The following MIA3 variants were observed in gnomAD, a reference collection of about 807,000 sequenced individuals.
The protein encoded by MIA3 is MIA SH3 domain ER export factor 3.
Under a neutral mutation model 192.4 loss-of-function variants are expected in MIA3, and 90 were observed. That is an observed-to-expected ratio of 0.47 (90% CI 0.39 to 0.56). The LOEUF (loss-of-function observed/expected upper bound fraction) is 0.56. MIA3 is among the 20% of genes least tolerant of loss of function. MIA3 has a pLI of 0.00. For missense variants in MIA3, 2,123 were observed against 2,269.4 expected (o/e 0.94, Z 1.31); for synonymous variants, 740 against 792.8 (o/e 0.93, Z 1.12).
At position 222,627,610 on chromosome 1, in the gene MIA3, T is replaced by A; in HGVS notation, c.390T>A (p.Asp130Glu). The A allele has an allele frequency of 6.3e-7, 1 of 1,580,198 alleles. No individual in the cohort carries two copies. The highest frequency in any genetic ancestry group is 1.2e-5 in the South Asian group (1 of 84,672). Residue 130 changes from aspartate (D) to glutamate (E), a missense_variant, in exon 4 of 28, where the codon GAT becomes GAA. Physicochemically the swap from Asp to Glu is conservative, Grantham distance 45. Around this residue, in one of 3 missense-constraint regions of MIA3, gnomAD observed 1,357 missense variants for 1,396.1 expected, o/e 0.97. Coordinates refer to ENST00000344922, the MANE Select transcript of MIA3 (RefSeq NM_198551.4). ...TTGTTTGTTTTGATGGAGGAAGAGA[T>A]GATTTTCATAATTATAATGTAGAAG... Reference protein sequence around the residue: ...TDFVCFDGGRDDFHNYNVEEL... With the variant: ...TDFVCFDGGREDFHNYNVEEL...
chr1:222,628,208 T>C lies in MIA3; in HGVS notation c.988T>C (p.Leu330=), dbSNP rs1337470972. 6.2e-7 allele frequency: 1 copy of C among 1,613,992 alleles called. No homozygotes were observed. Among genetic ancestry groups the C allele is most frequent in the East Asian group, 2.2e-5 (1 of 44,894 alleles). The stretch of plus-strand genomic sequence containing the variant: ...CCAAGAAGACTTTGATGAGTTGCCA[T>C]TACTTACCTTTACAGATGGGGAAGA... ...ENQEDFDELP[L]LTFTDGEDMK... The change falls in exon 4 of 28, where the codon TTA becomes CTA. Residue 330 remains leucine (L), a synonymous_variant. Transcript: ENST00000344922.
At chr1:222,646,579 C>T (rs1036941935) in intron 7 of MIA3, among the ~76,000 whole-genome samples, 1 of 151,884 alleles carries the variant, frequency 6.6e-6, no homozygotes, top group African/African-American at 2.4e-5. Flanking sequence ...AGACAAAACC[C>T]CATCTCTACT....
chr1:222,646,251 T>C (rs1444994494), intron 7 of MIA3: 1 of 149,704 alleles, frequency 6.7e-6, no homozygotes, highest in Non-Finnish European at 1.5e-5. Context: ...CCCCATCTCT[T>C]CTAAAAATAC....
intron 7 of MIA3, 197 bp downstream of exon 7, chr1:222,645,882 G>A (rs1282037556): frequency 9.0e-6 from 4 of 443,400 alleles, no homozygotes; most frequent in Non-Finnish European, 1.5e-5. Context: ...AATCTCAGTG[G>A]GAAAACTTCA....
chr1:222,634,026 G>C (rs1252012812), intron 6 of MIA3, among the ~76,000 whole-genome samples: 1 of 151,988 alleles, frequency 6.6e-6, no homozygotes, highest in Non-Finnish European at 1.5e-5. Context: ...ATTTTTTGTA[G>C]AGGTGGGGTT....
In MIA3 at chr1:222,621,162, T is replaced by C; in HGVS notation, c.137T>C (p.Leu46Ser). 6.2e-7 allele frequency: 1 copy of C among 1,609,876 alleles called. No homozygotes were observed. The highest frequency in any genetic ancestry group is 1.1e-5 in the South Asian group (1 of 90,298). Residue 46 changes from leucine to serine, a missense_variant, in exon 2 of 28, where the codon TTA becomes TCA. Leu to Ser is a moderately radical substitution (Grantham distance 145). Around this residue, in one of 3 missense-constraint regions of MIA3, gnomAD observed 1,357 missense variants for 1,396.1 expected, o/e 0.97. Transcript: ENST00000344922. ...KLCADDECSM[L>S]MYRGEALEDF... is the part of the protein sequence containing the mutation. ...TTTTCTCTCTCTTTATATACAGTGT[T>C]AATGTACCGCGGTGAGGCTCTTGAA...
Position 222,629,640 on chromosome 1 carries a change from A to C in MIA3, c.2420A>C (p.Asn807Thr). The C allele has an allele frequency of 6.2e-7, 1 of 1,614,196 alleles. No individual in the cohort carries two copies. ...KGVNTGGREP[N>T]TMVEKERPLA... ...GTCAACACAGGAGGCAGGGAACCAA[A>C]TACAATGGTGGAAAAAGAACGCCCT... The change falls in exon 4 of 28, where the codon AAT becomes ACT. Residue 807 changes from asparagine to threonine, a missense_variant. Coordinates refer to ENST00000344922, the MANE Select transcript of MIA3 (RefSeq NM_198551.4).
intron 18 of MIA3, among the ~76,000 whole-genome samples, chr1:222,655,396 C>T (rs900909403): frequency 6.6e-6 from 1 of 152,130 alleles, no homozygotes; most frequent in Admixed American, 6.5e-5. Flanking sequence ...TTTTATAGTT[C>T]AAGTTTTTTG....
chr1:222,618,168 G>T lies in MIA3; in HGVS notation c.58G>T (p.Val20Leu). 6.6e-7 allele frequency: 1 copy of T among 1,505,846 alleles called. No homozygotes were observed. The highest frequency in any genetic ancestry group is 8.9e-7 in the Non-Finnish European group (1 of 1,127,174). The allele number at this position is 1,505,846 out of a possible 1,614,324, so 93.3% of individuals were successfully genotyped here. A position where few individuals can be genotyped will look rare whatever the true frequency, so the allele number is the denominator to read the frequency against. Residue 20 changes from valine (V) to leucine (L), a missense_variant, in exon 1 of 28, where the codon GTG becomes TTG. By Grantham distance (32) the Val-to-Leu change is conservative. Transcript: ENST00000344922. ...WLLVLRLPWRVPGQLDPSTGR... is the reference protein window; with the variant it reads ...WLLVLRLPWRLPGQLDPSTGR... ...GCTCGTGCTCCGGCTGCCCTGGCGGGTGCCGGGCCAGCTGGACCCCAGCAC... is the reference window on the plus strand; with the variant it reads ...GCTCGTGCTCCGGCTGCCCTGGCGGTTGCCGGGCCAGCTGGACCCCAGCAC...
intron 13 of MIA3, among the ~76,000 whole-genome samples, 200 bp from the exon 14 acceptor site, chr1:222,652,808 A>G (rs573544252): frequency 6.6e-6 from 1 of 152,268 alleles, no homozygotes; most frequent in Admixed American, 6.5e-5. Flanking sequence ...AACAAGATCA[A>G]TTTCCTTGAT....
chr1:222,635,079 A>T (rs770722456), intron 6 of MIA3, among the ~76,000 whole-genome samples: 3 of 152,252 alleles, frequency 2.0e-5, no homozygotes, highest in Admixed American at 6.5e-5. Context: ...GACCACCAGG[A>T]TGGAAAACAA....
intron 6 of MIA3, among the ~76,000 whole-genome samples, chr1:222,633,803 G>A (rs1188803205): frequency 6.6e-6 from 1 of 152,002 alleles, no homozygotes; most frequent in Non-Finnish European, 1.5e-5. Context: ...TGAAGAAAAG[G>A]TTATTTGGGG....
rs961882059 is a variant in MIA3, at chr1:222,666,876, G to A, written c.*1257G>A. 4 of 152,016 alleles carry A rather than the reference G, an allele frequency of 2.6e-5. No homozygotes were observed. Among genetic ancestry groups the A allele is most frequent in the Non-Finnish European group, 4.4e-5 (3 of 68,006 alleles). The allele number at this position is 152,016 out of a possible 1,614,324, so 9.4% of individuals were successfully genotyped here. A position where few individuals can be genotyped will look rare whatever the true frequency, so the allele number is the denominator to read the frequency against. On this transcript the variant is annotated 3_prime_UTR_variant, in exon 28 of 28. Coordinates refer to ENST00000344922, the MANE Select transcript of MIA3 (RefSeq NM_198551.4). ...AATACTCTACAACGTTTCTAAGAAC[G>A]AACTTCAGACATTTTAATTACAGTA...
At chr1:222,654,859 G>T in intron 18 of MIA3, 66 bp downstream of exon 18, 1 of 1,304,128 alleles carries the variant, frequency 7.7e-7, no homozygotes, top group East Asian at 2.3e-5. Context: ...TACTAATATA[G>T]ATAATGTTAT....
Position 222,630,145 on chromosome 1 carries a change from A to T in MIA3, c.2925A>T (p.Leu975=), listed in dbSNP as rs1490317473. ...TGCCCTATAATATGGAAAAAGTCCT[A>T]GATAAGGTCTTCCGTGCTTCTGAGT... is the stretch of plus-strand genomic sequence containing the variant. ...ESLPYNMEKV[L]DKVFRASESQ... Residue 975 remains leucine, a synonymous_variant, in exon 4 of 28, where the codon CTA becomes CTT. Transcript: ENST00000344922. 6.2e-7 allele frequency: 1 copy of T among 1,614,244 alleles called. No homozygotes were observed. The highest frequency in any genetic ancestry group is 8.5e-7 in the Non-Finnish European group (1 of 1,180,040).
chr1:222,652,861 G>C (rs1663515657), intron 13 of MIA3, 147 bp from the exon 14 acceptor site: 1 of 753,404 alleles, frequency 1.3e-6, no homozygotes, highest in Non-Finnish European at 2.1e-6. Context: ...TGGGGCCACT[G>C]TCTCCTCCCA....
rs1662035684 is a variant in MIA3 at position 222,624,818 on chromosome 1, T to C, written c.318T>C (p.His106=). The C allele has an allele frequency of 6.2e-7, 1 of 1,602,780 alleles. No individual in the cohort carries two copies. The highest frequency in any genetic ancestry group is 8.5e-7 in the Non-Finnish European group (1 of 1,170,634). The change falls in exon 3 of 28, where the codon CAT becomes CAC. Residue 106 remains histidine (H), a synonymous_variant. Coordinates refer to ENST00000344922, the MANE Select transcript of MIA3 (RefSeq NM_198551.4). ...CAAAAGATTTAATCCAGGTAGTTCA[T>C]GAATATACCAAAGAAGAGCTACAAG... is the stretch of plus-strand genomic sequence containing the variant. ...YFPKDLIQVV[H]EYTKEELQVP...
rs770852375 is a variant in MIA3, at chr1:222,629,198, G to C, written c.1978G>C (p.Glu660Gln). The change falls in exon 4 of 28, where the codon GAA becomes CAA. Residue 660 changes from glutamate to glutamine, a missense_variant. Physicochemically the swap from Glu to Gln is conservative, Grantham distance 29. Around this residue, in one of 3 missense-constraint regions of MIA3, gnomAD observed 1,357 missense variants for 1,396.1 expected, o/e 0.97. Coordinates refer to ENST00000344922, the MANE Select transcript of MIA3 (RefSeq NM_198551.4). ...ILGRNLPWQQ[E>Q]RDVAATASKQ... ...GGGAAGAAATCTTCCCTGGCAACAA[G>C]AAAGAGATGTGGCTGCCACAGCCAG... 4 of 1,614,050 alleles carry C rather than the reference G, an allele frequency of 2.5e-6. No individual in the cohort carries two copies. The highest frequency in any genetic ancestry group is 3.4e-6 in the Non-Finnish European group (4 of 1,180,036).
rs543422259 is a variant in MIA3 at position 222,628,323 on chromosome 1, T to C, written c.1103T>C (p.Val368Ala). ...SNEEDKVQLTVPPGIKNDDKN... is the reference protein window; with the variant it reads ...SNEEDKVQLTAPPGIKNDDKN... Reference sequence around the variant, plus strand: ...GAAGAGGACAAGGTTCAGCTAACTGTGCCCCCTGGCATCAAAAATGATGAT... The same window carrying C: ...GAAGAGGACAAGGTTCAGCTAACTGCGCCCCCTGGCATCAAAAATGATGAT... Residue 368 changes from valine to alanine, a missense_variant, in exon 4 of 28, where the codon GTG becomes GCG. Around this residue, in one of 3 missense-constraint regions of MIA3, gnomAD observed 1,357 missense variants for 1,396.1 expected, o/e 0.97. Transcript: ENST00000344922. 2 of 1,613,710 alleles carry C rather than the reference T, an allele frequency of 1.2e-6. No homozygotes were observed. Among genetic ancestry groups the C allele is most frequent in the Admixed American group, 1.7e-5 (1 of 59,936 alleles).
Sources: allele counts gnomAD v4.1 joint callset (sites outside exome capture counted in the v4.1 genomes callset), GRCh38; gene constraint gnomAD v4.1.1; regional missense constraint gnomAD v4.1.1; transcripts MANE v1.5; gene names NCBI Gene and HGNC (gene_info 2026-07-23, HGNC 2026-07-21).